DTNB: variants seen among roughly 807,000 people sequenced by gnomAD.
The protein encoded by DTNB is dystrobrevin beta.
DTNB carries 63 observed loss-of-function variants against 90.7 expected under a neutral mutation model. The observed-to-expected ratio is 0.69, with a 90% CI of 0.57 to 0.86. DTNB has a LOEUF of 0.86. Among genes scored for constraint, DTNB ranks in the 40% least tolerant of loss-of-function variants. The pLI is 0.00. For missense variants in DTNB, 744 were observed against 807.1 expected, an observed-to-expected ratio of 0.92 and a Z score of 0.95; for synonymous variants, 277 against 286.7, an observed-to-expected ratio of 0.97 and a Z score of 0.34.
intron 4 of DTNB, among the ~76,000 whole-genome samples, chr2:25,615,519 A>G (rs1180968746): frequency 6.6e-6 from 1 of 152,182 alleles, no homozygotes; most frequent in Non-Finnish European, 1.5e-5. Context: ...AGGAAGTTAC[A>G]AAGGTATTAG....
intron 9 of DTNB, among the ~76,000 whole-genome samples, chr2:25,522,265 C>T (rs1440264750): frequency 6.6e-6 from 1 of 152,178 alleles, no homozygotes; most frequent in Non-Finnish European, 1.5e-5. Context: ...CACCACCCCC[C>T]AGAAAGGAAC....
At chr2:25,589,207 C>G (rs1349561384) in intron 6 of DTNB, among the ~76,000 whole-genome samples, 2 of 152,004 alleles carry the variant, frequency 1.3e-5, no homozygotes, top group African/African-American at 4.8e-5. Context: ...ATACAATTGC[C>G]ACTGCCTCCG....
chr2:25,483,003 G>C (rs558707485), intron 9 of DTNB, 130 bp from the exon 10 acceptor site: 7 of 882,948 alleles, frequency 7.9e-6, no homozygotes, highest in African/African-American at 5.4e-5. Flanking sequence ...CCCATGGGGA[G>C]GGGGGGGACC....
intron 11 of DTNB, among the ~76,000 whole-genome samples, chr2:25,451,912 A>C (rs919410940): frequency 6.6e-6 from 1 of 152,242 alleles, no homozygotes; most frequent in Non-Finnish European, 1.5e-5. Flanking sequence ...AACACAGGGC[A>C]CCCACAAAGT....
intron 8 of DTNB, among the ~76,000 whole-genome samples, chr2:25,548,640 G>C (rs1046349262): frequency 3.3e-5 from 5 of 152,150 alleles, no homozygotes; most frequent in African/African-American, 1.2e-4. Context: ...TGGAGTAAGG[G>C]GGAGTAGGGC....
At chr2:25,631,151 G>C (rs1482472866) in intron 3 of DTNB, among the ~76,000 whole-genome samples, 1 of 152,138 alleles carries the variant, frequency 6.6e-6, no homozygotes, top group African/African-American at 2.4e-5. Context: ...CGACTTTGTG[G>C]ATATACTAAA....
chr2:25,541,799 T>C (rs1453920858), intron 8 of DTNB, among the ~76,000 whole-genome samples: 2 of 152,152 alleles, frequency 1.3e-5, no homozygotes, highest in Non-Finnish European at 2.9e-5. Flanking sequence ...CTGGATTATA[T>C]GGTAGTTTTG....
chr2:25,441,054 A>G (rs948177025), intron 12 of DTNB, among the ~76,000 whole-genome samples: 1 of 152,194 alleles, frequency 6.6e-6, no homozygotes, highest in Non-Finnish European at 1.5e-5. Context: ...GTGGAAGGAC[A>G]TCTCTGAAGC....
At chr2:25,575,429 C>CA (rs565388734) in intron 8 of DTNB, among the ~76,000 whole-genome samples, 3 of 150,726 alleles carry the variant, frequency 2.0e-5, no homozygotes, top group Non-Finnish European at 4.4e-5. Context: ...CCACCACCAC[C>CA]AAAAAAAATG....
intron 10 of DTNB, 35 bp downstream of exon 10, chr2:25,482,761 C>G: frequency 5.0e-6 from 8 of 1,609,068 alleles, no homozygotes; most frequent in Non-Finnish European, 6.8e-6. Context: ...GTAGCAGAGG[C>G]CAACACCCAA....
chr2:25,627,958 C>G lies in DTNB; in HGVS notation c.362+213G>C, dbSNP rs371075655. ...TCACCGTGTTAGCCGGGATGGTCTC[C>G]ATCTCCTGACCTTGTGATTTGCCCT... On this transcript the variant is annotated intron_variant, in intron 4 of 20. Transcript: ENST00000406818. Among the ~76,000 whole-genome samples the G allele has an allele frequency of 1.7e-3, 252 of 152,102 alleles. 2 individuals are homozygous for G. In the South Asian group the frequency reaches 0.019, roughly 12 times the overall value.
intron 1 of DTNB, among the ~76,000 whole-genome samples, chr2:25,661,457 A>G (rs2083161239): frequency 6.6e-6 from 1 of 152,262 alleles, no homozygotes; most frequent in South Asian, 2.1e-4. Flanking sequence ...TATAATATCT[A>G]AGGATCCACA....
intron 9 of DTNB, among the ~76,000 whole-genome samples, chr2:25,486,332 C>T (rs1443571483): frequency 4.6e-5 from 7 of 151,976 alleles, no homozygotes; most frequent in Admixed American, 2.0e-4. Context: ...GGTGTGGCGG[C>T]GCATGCTCGC....
intron 19 of DTNB, among the ~76,000 whole-genome samples, chr2:25,381,833 A>G (rs1011189707): frequency 3.9e-5 from 6 of 152,220 alleles, no homozygotes; most frequent in Non-Finnish European, 5.9e-5. Context: ...CAGCAATTTC[A>G]GGGTCCTTGC....
intron 9 of DTNB, among the ~76,000 whole-genome samples, chr2:25,491,630 C>G (rs2067504995): frequency 6.6e-6 from 1 of 152,088 alleles, no homozygotes; most frequent in South Asian, 2.1e-4. Context: ...GCAGCGATAG[C>G]AGACTCTTTT....
intron 9 of DTNB, among the ~76,000 whole-genome samples, chr2:25,483,238 T>C (rs181682798): frequency 6.6e-6 from 1 of 152,328 alleles, no homozygotes; most frequent in East Asian, 1.9e-4. Context: ...TTTTAGTACA[T>C]AAGAATTTAA....
At position 25,538,112 on chromosome 2, in the gene DTNB, G is replaced by C. The variant is rs139457920; in HGVS notation, c.877-6515C>G. On this transcript the variant is annotated intron_variant, in intron 8 of 20. Coordinates refer to ENST00000406818, the MANE Select transcript of DTNB (RefSeq NM_021907.5). ...TTTAAAATATATCAGGCTGGGCATG[G>C]TGGCTCATGCCTATAATGCCAGCAC... Among the ~76,000 whole-genome samples the C allele has an allele frequency of 2.0e-5, 3 of 152,206 alleles. No homozygotes were observed. The East Asian group carries it at 5.8e-4, about 29-fold the overall frequency.
At chr2:25,606,722 G>GT (rs879505121) in intron 5 of DTNB, among the ~76,000 whole-genome samples, 2 of 151,664 alleles carry the variant, frequency 1.3e-5, no homozygotes, top group Admixed American at 6.6e-5. Flanking sequence ...ATGACTAATG[G>GT]TTAAAAAAAA....
chr2:25,521,684 T>C (rs981308058), intron 9 of DTNB, among the ~76,000 whole-genome samples: 1 of 152,182 alleles, frequency 6.6e-6, no homozygotes, highest in African/African-American at 2.4e-5. Flanking sequence ...CTGAGGCCAG[T>C]CCCAATAAAA....
Sources: gnomAD v4.1 joint callset for allele counts (sites outside exome capture counted in the v4.1 genomes callset) on GRCh38, gnomAD v4.1.1 for gene constraint, MANE v1.5 for transcripts, NCBI Gene and HGNC (gene_info 2026-07-23, HGNC 2026-07-21) for gene names.